Variants in SEMA4D observed in about 807,000 individuals in gnomAD.
SEMA4D encodes semaphorin-4D.
SEMA4D carries 22 observed loss-of-function variants against 74.8 expected under a neutral mutation model. That is an observed-to-expected ratio of 0.29 (90% CI 0.21 to 0.42). The LOEUF (loss-of-function observed/expected upper bound fraction) is 0.42, where lower values mean the gene tolerates loss of function less well. SEMA4D is among the 10% of genes least tolerant of loss of function. SEMA4D has a pLI of 1.00. For missense variants in SEMA4D, 937 were observed against 1,118.4 expected, an observed-to-expected ratio of 0.84 and a Z score of 2.31; for synonymous variants, 445 against 463.7, an observed-to-expected ratio of 0.96 and a Z score of 0.52.
At chr9:89,450,660 G>GGGAAAAA (rs1491451024) in intron 2 of SEMA4D, 20 of 430,470 alleles carry the variant, frequency 4.6e-5, no homozygotes, top group South Asian at 1.2e-4. Context: ...AAAAACCCAG[G>GGGAAAAA]AAAAAAAAAA....
chr9:89,370,469 TTG>T (rs918541577), intron 16 of SEMA4D, among the ~76,000 whole-genome samples: 8 of 141,712 alleles, frequency 5.6e-5, no homozygotes, highest in African/African-American at 2.7e-5. Flanking sequence ...TGTGTCTGGT[TTG>T]TGTGTGTGGT....
In SEMA4D at chr9:89,398,503, C is replaced by T. The variant is rs572658136; in HGVS notation, c.315+773G>A. 5.3e-5 allele frequency among the ~76,000 whole-genome samples: 8 copies of T among 152,280 alleles called. No homozygotes were observed. The South Asian group carries it at 8.3e-4, about 16-fold the overall frequency. On this transcript the variant is annotated intron_variant, in intron 5 of 15. Coordinates refer to ENST00000422704, the MANE Select transcript of SEMA4D (RefSeq NM_001371194.2). ...ATGCAACCTCATTCTTCTTGGATGC[C>T]GGACAAGAGCTCAGGACCCTGAGTG...
intron 2 of SEMA4D, among the ~76,000 whole-genome samples, chr9:89,415,066 G>A (rs997962526): frequency 6.6e-6 from 1 of 152,238 alleles, no homozygotes; most frequent in Non-Finnish European, 1.5e-5. Context: ...CCCTTCAGAG[G>A]AAGGGTGGGG....
At chr9:89,432,529 G>A (rs917928548) in intron 2 of SEMA4D, among the ~76,000 whole-genome samples, 2 of 152,164 alleles carry the variant, frequency 1.3e-5, no homozygotes, top group Admixed American at 6.5e-5. Flanking sequence ...CTCTATCTCT[G>A]GTCACCAGTG....
At chr9:89,385,332 G>T (rs559955971) in intron 13 of SEMA4D, 1 of 985,410 alleles carries the variant, frequency 1.0e-6, no homozygotes, top group African/African-American at 1.7e-5. Flanking sequence ...TTTTAGAGAT[G>T]TTGTAGGTGC....
Position 89,492,360 on chromosome 9 carries a change from C to T in SEMA4D, c.-310+5559G>A, listed in dbSNP as rs1445739161. Among the ~76,000 whole-genome samples, 1 of 152,136 alleles carries T rather than the reference C, an allele frequency of 6.6e-6. No individual in the cohort carries two copies. The highest frequency in any genetic ancestry group is 1.5e-5 in the Non-Finnish European group (1 of 68,032). On this transcript the variant is annotated intron_variant, in intron 1 of 15. Transcript: ENST00000422704. The surrounding 1 kb of genome is among the most constrained non-coding windows in gnomAD (Gnocchi z 4.3). ...GGTTTCTTGTTCCAGGCTCAGTCCT[C>T]GGACCTCTTCTCTTTTCCATCTACC... is the stretch of plus-strand genomic sequence containing the variant.
At chr9:89,478,411 G>A (rs1862298056) in intron 1 of SEMA4D, among the ~76,000 whole-genome samples, 1 of 152,138 alleles carries the variant, frequency 6.6e-6, no homozygotes, top group Admixed American at 6.5e-5. Context: ...AAGCAGGACG[G>A]AGGCCCCCCT....
Position 89,398,851 on chromosome 9 carries a change from G to A in SEMA4D, c.315+425C>T, listed in dbSNP as rs564378591. Among the ~76,000 whole-genome samples the A allele has an allele frequency of 1.4e-3, 215 of 152,262 alleles. 1 individual carries two copies. Among genetic ancestry groups the A allele is most frequent in the African/African-American group, 4.8e-3 (200 of 41,540 alleles). On this transcript the variant is annotated intron_variant, in intron 5 of 15. Coordinates refer to ENST00000422704, the MANE Select transcript of SEMA4D (RefSeq NM_001371194.2). ...GCCGAATAAATGGGGCATCTCTGTC[G>A]CAAGTCCAACGAAGGGGTTGAGAAA...
intron 2 of SEMA4D, among the ~76,000 whole-genome samples, chr9:89,413,793 T>C (rs902054335): frequency 8.5e-5 from 13 of 152,266 alleles, no homozygotes; most frequent in African/African-American, 3.1e-4. Context: ...TGTATCTGTG[T>C]ATGCATATAC....
chr9:89,490,030 C>CTT (rs895924919), intron 1 of SEMA4D, among the ~76,000 whole-genome samples: 1 of 144,990 alleles, frequency 6.9e-6, no homozygotes, highest in Non-Finnish European at 1.5e-5. Context: ...CTCCACCCTC[C>CTT]TTTTTTTTTT....
intron 1 of SEMA4D, among the ~76,000 whole-genome samples, chr9:89,462,110 T>C (rs1272600336): frequency 6.6e-6 from 1 of 152,158 alleles, no homozygotes. Context: ...AGAAGGGAAA[T>C]TCTCAGGCTT....
At position 89,399,432 on chromosome 9, in the gene SEMA4D, C is replaced by T. The variant is rs187724967; in HGVS notation, c.253-94G>A. 4.8e-4 allele frequency: 472 copies of T among 980,986 alleles called. 1 individual carries two copies. The African/African-American group carries it at 7.0e-3, about 15-fold the overall frequency. 60.8% of individuals were successfully genotyped at this position (980,986 alleles called of 1,614,324 possible). On this transcript the variant is annotated intron_variant, in intron 4 of 15. Transcript: ENST00000422704. ...TAAAAGCACATGATAGAGTTTAGAG[C>T]CTAGAGGTTTCTCCTGAGATGATCA...
At chr9:89,366,771 C>A (rs1289850918) in intron 16 of SEMA4D, among the ~76,000 whole-genome samples, 1 of 152,178 alleles carries the variant, frequency 6.6e-6, no homozygotes, top group African/African-American at 2.4e-5. Context: ...TCAAGTAACA[C>A]TTTTCTTTGA....
At position 89,392,433 on chromosome 9, in the gene SEMA4D, A is replaced by G. The variant is rs1564598517; in HGVS notation, c.612T>C (p.Pro204=). Residue 204 remains proline, a synonymous_variant, in exon 8 of 16, where the codon CCT becomes CCC. Transcript: ENST00000422704. ...HSPLRTEYAI[P]WLNEPSFVFA... is the part of the protein sequence containing the mutation. ...ACTGCTCTTCCTTACCGTTCAGCCA[A>G]GGGATTGCATATTCTGTCCTCAGAG... 1 of 1,611,950 alleles carries G rather than the reference A, an allele frequency of 6.2e-7. No individual in the cohort carries two copies. The highest frequency in any genetic ancestry group is 8.5e-7 in the Non-Finnish European group (1 of 1,178,062).
At position 89,405,375 on chromosome 9, in the gene SEMA4D, G is replaced by T. The variant is rs142599830; in HGVS notation, c.82C>A (p.Pro28Thr). Residue 28 changes from proline to threonine, a missense_variant, in exon 3 of 16, where the codon CCC becomes ACC. Physicochemically the swap from Pro to Thr is conservative, Grantham distance 38 (BLOSUM62 -1). Coordinates refer to ENST00000422704, the MANE Select transcript of SEMA4D (RefSeq NM_001371194.2). Reference sequence around the variant, plus strand: ...CCTCTGTGCTCCCAGGTGATCCGGGGTATGGGTGCAAATGCCATCGCTGTC... The same window carrying T: ...CCTCTGTGCTCCCAGGTGATCCGGGTTATGGGTGCAAATGCCATCGCTGTC... The part of the protein sequence containing the change: ...FGTAMAFAPI[P>T]RITWEHREVH... 4 of 1,613,994 alleles carry T rather than the reference G, an allele frequency of 2.5e-6. No homozygotes were observed. The African/African-American group carries it at 5.3e-5, about 22-fold the overall frequency.
At chr9:89,427,162 A>G (rs1848284330) in intron 2 of SEMA4D, among the ~76,000 whole-genome samples, 1 of 152,092 alleles carries the variant, frequency 6.6e-6, no homozygotes. Flanking sequence ...CACTAAATCC[A>G]TCCTCCCTTG....
chr9:89,389,168 G>A (rs1839246461), intron 9 of SEMA4D, 121 bp from the exon 10 acceptor site: 9 of 993,274 alleles, frequency 9.1e-6, no homozygotes, highest in East Asian at 2.4e-5. Context: ...CTGAAACAAA[G>A]CTCGGGCAAC....
chr9:89,492,492 C>T lies in SEMA4D; in HGVS notation c.-310+5427G>A, dbSNP rs1564017960. Among the ~76,000 whole-genome samples the T allele has an allele frequency of 6.6e-6, 1 of 152,142 alleles. No individual in the cohort carries two copies. The highest frequency in any genetic ancestry group is 2.4e-5 in the African/African-American group (1 of 41,440). On this transcript the variant is annotated intron_variant, in intron 1 of 15. Coordinates refer to ENST00000422704, the MANE Select transcript of SEMA4D (RefSeq NM_001371194.2). The surrounding 1 kb of genome is among the most constrained non-coding windows in gnomAD (Gnocchi z 4.3). ...CAGCTCAGAGCACTCCCCCAAACTC[C>T]AGATCCCTTCCTCCAACTTCCTCCT...
In SEMA4D at chr9:89,449,018, G is replaced by A. The variant is rs1434607594; in HGVS notation, c.-244+6870C>T. ...ATTGATGCATTCAGGGTACAGCTGG[G>A]ACATGGAAAATCAGTGGCAAATACA... On this transcript the variant is annotated intron_variant, in intron 2 of 15. Transcript: ENST00000422704. Among the ~76,000 whole-genome samples the A allele has an allele frequency of 2.6e-5, 4 of 152,254 alleles. No homozygotes were observed. In the East Asian group the frequency reaches 7.7e-4, roughly 29 times the overall value.
Sources: gnomAD v4.1 joint callset for allele counts (sites outside exome capture counted in the v4.1 genomes callset) on GRCh38, gnomAD v4.1.1 for gene constraint, Gnocchi (gnomAD v3.1) non-coding constraint, MANE v1.5 for transcripts, NCBI Gene and HGNC (gene_info 2026-07-23, HGNC 2026-07-21) for gene names.